Variants in CDC14A observed in about 807,000 individuals in gnomAD.
CDC14A encodes cell division cycle 14A.
In CDC14A, 53 loss-of-function variants were observed where a neutral mutation model predicts 74.4. That is an observed-to-expected ratio of 0.71 (90% CI 0.57 to 0.89). The LOEUF (loss-of-function observed/expected upper bound fraction) is 0.89, where lower values mean the gene tolerates loss of function less well. CDC14A is among the 40% of genes least tolerant of loss of function. The pLI is 0.00. For synonymous variants in CDC14A, 247 were observed against 258.4 expected, an observed-to-expected ratio of 0.96 and a Z score of 0.43; for missense variants, 646 against 713.7, an observed-to-expected ratio of 0.91 and a Z score of 1.08.
At chr1:100,356,783 C>T (rs181231313) in intron 2 of CDC14A, among the ~76,000 whole-genome samples, 1 of 148,080 alleles carries the variant, frequency 6.8e-6, no homozygotes, top group Admixed American at 6.9e-5. Context: ...GAACCAGGAC[C>T]TGGTAGGTGG....
chr1:100,485,880 C>T (rs371916921), intron 11 of CDC14A: 1 of 152,260 alleles, frequency 6.6e-6, no homozygotes, highest in African/African-American at 2.4e-5. Context: ...GTGCTCTGTT[C>T]TCCAGGATGG....
chr1:100,420,082 A>ATATATATATATATGT (rs58124351), intron 4 of CDC14A, among the ~76,000 whole-genome samples: 27 of 105,534 alleles, frequency 2.6e-4, no homozygotes, highest in East Asian at 1.2e-3. Context: ...ATATATATAT[A>ATATATATATATATGT]GTGTGTATGT....
At chr1:100,372,096 G>T (rs896867701) in intron 2 of CDC14A, among the ~76,000 whole-genome samples, 1 of 152,204 alleles carries the variant, frequency 6.6e-6, no homozygotes, top group Admixed American at 6.5e-5. Context: ...GTGTGTAGTA[G>T]CATTGTGTCT....
At chr1:100,419,717 A>G (rs1013662727) in intron 4 of CDC14A, among the ~76,000 whole-genome samples, 2 of 152,140 alleles carry the variant, frequency 1.3e-5, no homozygotes, top group Non-Finnish European at 2.9e-5. Flanking sequence ...AAGTTGTAAC[A>G]TCAGTTTTCT....
intron 4 of CDC14A, among the ~76,000 whole-genome samples, chr1:100,420,063 C>CACACACACATATATATATAT: frequency 1.9e-4 from 12 of 61,592 alleles, no homozygotes; most frequent in African/African-American, 4.0e-4. Flanking sequence ...CACACACACA[C>CACACACACATATATATATAT]ATATATATAT....
chr1:100,443,889 G>GT, intron 7 of CDC14A, among the ~76,000 whole-genome samples: 1 of 152,302 alleles, frequency 6.6e-6, no homozygotes, highest in South Asian at 2.1e-4. Flanking sequence ...CCTGTACAAT[G>GT]TGAGTAGGTT....
intron 10 of CDC14A, among the ~76,000 whole-genome samples, chr1:100,475,823 G>C (rs534146205): frequency 7.2e-5 from 11 of 152,280 alleles, no homozygotes; most frequent in East Asian, 3.9e-4. Flanking sequence ...GTCACTGCCT[G>C]GTTGAGGTGG....
chr1:100,420,021 TATACATATATACACACACACACACAC>T (rs1388468640), intron 4 of CDC14A, among the ~76,000 whole-genome samples: 27 of 63,190 alleles, frequency 4.3e-4, no homozygotes, highest in African/African-American at 6.6e-4. Context: ...TACATATATA[TATACATATATACACACACACACACAC>T]ACACACACAC....
upstream of CDC14A, among the ~76,000 whole-genome samples, chr1:100,351,391 T>C: frequency 6.6e-6 from 1 of 152,176 alleles, no homozygotes; most frequent in Admixed American, 6.5e-5. Flanking sequence ...GCTCTTCGGA[T>C]AGTCGGTCTG....
At chr1:100,516,257 T>C (rs970922550) in intron 15 of CDC14A, among the ~76,000 whole-genome samples, 1 of 151,888 alleles carries the variant, frequency 6.6e-6, no homozygotes, top group Non-Finnish European at 1.5e-5. Flanking sequence ...TGAATATATA[T>C]ATGTGTGTGT....
rs1660147478 is a variant in CDC14A at position 100,407,771 on chromosome 1, A to G, written c.310-16451A>G. On this transcript the variant is annotated intron_variant, in intron 4 of 15. Transcript: ENST00000336454. ...GGAGTGGTGTCTCACTCGTATTTGT[A>G]TCTCCAGTACTTAACATAGTGTCTG... is the stretch of plus-strand genomic sequence containing the variant. Among the ~76,000 whole-genome samples the G allele has an allele frequency of 2.6e-5, 4 of 152,226 alleles. No individual in the cohort carries two copies. The South Asian group carries it at 8.3e-4, about 32-fold the overall frequency.
rs770610685 is a variant in CDC14A, at chr1:100,462,640, TG to T, written c.608-10del. 6.2e-7 allele frequency: 1 copy of T among 1,606,572 alleles called. No homozygotes were observed. Among genetic ancestry groups the T allele is most frequent in the South Asian group, 1.1e-5 (1 of 90,910 alleles). ...GCATGCCTTTTGCTTACTGCTCCTT[TG>T]TTCCTTTAGGTTATCCTCTTCACGC... On this transcript the variant is annotated splice_polypyrimidine_tract_variant and intron_variant, in intron 8 of 15. Transcript: ENST00000336454.
In CDC14A at chr1:100,454,531, G is replaced by T. The variant is rs371022621; in HGVS notation, c.520-874G>T. On this transcript the variant is annotated intron_variant, in intron 7 of 15. Coordinates refer to ENST00000336454, the MANE Select transcript of CDC14A (RefSeq NM_003672.4). The stretch of plus-strand genomic sequence containing the variant: ...ATGGGGAAGGGAAGAAAATGGGGGA[G>T]ATGATGGAGCCATGGGAATGTGCTT... Among the ~76,000 whole-genome samples the T allele has an allele frequency of 6.6e-5, 10 of 152,264 alleles. No homozygotes were observed. In the South Asian group the frequency reaches 1.4e-3, roughly 22 times the overall value.
intron 7 of CDC14A, 28 bp downstream of exon 7, chr1:100,443,024 A>G (rs1388185257): frequency 2.8e-6 from 4 of 1,407,454 alleles, no homozygotes; most frequent in African/African-American, 1.4e-5. Flanking sequence ...TTTTTACAAA[A>G]CATAATTTCA....
intron 10 of CDC14A, among the ~76,000 whole-genome samples, chr1:100,470,953 T>C (rs1200791397): frequency 1.3e-5 from 2 of 152,180 alleles, no homozygotes; most frequent in African/African-American, 4.8e-5. Context: ...ATGGAAACAT[T>C]TGTCTACAAA....
intron 8 of CDC14A, among the ~76,000 whole-genome samples, chr1:100,459,058 G>A (rs1193981449): frequency 1.4e-5 from 2 of 147,094 alleles, no homozygotes; most frequent in African/African-American, 5.2e-5. Context: ...TGTCTCTTAA[G>A]TGTCACTGTC....
At chr1:100,461,101 C>G (rs766196466) in intron 8 of CDC14A, among the ~76,000 whole-genome samples, 1 of 152,172 alleles carries the variant, frequency 6.6e-6, no homozygotes, top group African/African-American at 2.4e-5. Context: ...TTGGAGAAAA[C>G]AGCTAGTACC....
At chr1:100,467,838 G>C in intron 9 of CDC14A, 118 bp from the exon 10 acceptor site, 1 of 995,614 alleles carries the variant, frequency 1.0e-6, no homozygotes, top group African/African-American at 1.7e-5. Context: ...TTTATTAGCT[G>C]TTGATAATAT....
intron 11 of CDC14A, among the ~76,000 whole-genome samples, chr1:100,491,803 C>T (rs1239899035): frequency 1.3e-5 from 2 of 150,530 alleles, no homozygotes; most frequent in Non-Finnish European, 2.9e-5. Context: ...AACTCCTGGC[C>T]TCATGTCATC....
Sources: allele counts gnomAD v4.1 joint callset (sites outside exome capture counted in the v4.1 genomes callset), GRCh38; gene constraint gnomAD v4.1.1; transcripts MANE v1.5; gene names NCBI Gene and HGNC (gene_info 2026-07-23, HGNC 2026-07-21).